SOX5: variants seen among roughly 807,000 people sequenced by gnomAD.
SOX5 encodes SRY-box transcription factor 5, also known as transcription factor SOX-5.
A neutral mutation model predicts 92.0 loss-of-function variants in SOX5; 9 were observed. That is an observed-to-expected ratio of 0.10 (90% CI 0.06 to 0.17). SOX5 has a LOEUF of 0.17. Ranked by LOEUF, SOX5 falls within the 10% of genes least tolerant of loss-of-function variation. SOX5 has a pLI of 1.00. For missense variants in SOX5, 642 were observed against 944.5 expected, an observed-to-expected ratio of 0.68 and a Z score of 4.20; for synonymous variants, 344 against 336.3, an observed-to-expected ratio of 1.02 and a Z score of -0.25.
chr12:23,612,741 T>A lies in SOX5; in HGVS notation c.1018-8208A>T, dbSNP rs147534544. Among the ~76,000 whole-genome samples, 815 of 152,294 alleles carry A rather than the reference T, an allele frequency of 5.4e-3. 10 individuals are homozygous for A. The highest frequency in any genetic ancestry group is 0.018 in the African/African-American group (763 of 41,574). ...AACCTAAAAAGATATGTACTATATA[T>A]ATTTGACGGAAAAGTATTTGTTTAT... On this transcript the variant is annotated intron_variant, in intron 8 of 14. Transcript: ENST00000451604.
chr12:23,903,180 C>T (rs2097254722), intron 1 of SOX5, among the ~76,000 whole-genome samples: 1 of 151,924 alleles, frequency 6.6e-6, no homozygotes, highest in African/African-American at 2.4e-5. Flanking sequence ...AGGTGCATGC[C>T]TTTTTAAAAA....
chr12:24,483,273 T>C (rs1408543971), intron 1 of SOX5, among the ~76,000 whole-genome samples: 2 of 152,202 alleles, frequency 1.3e-5, no homozygotes, highest in Non-Finnish European at 2.9e-5. Context: ...AATAATAATA[T>C]GTAGAATTTT....
At chr12:23,817,387 T>C (rs984106966) in intron 3 of SOX5, among the ~76,000 whole-genome samples, 2 of 152,226 alleles carry the variant, frequency 1.3e-5, no homozygotes, top group African/African-American at 4.8e-5. Flanking sequence ...ATACATTATA[T>C]GTCTAGCCTT....
At chr12:23,607,777 C>A (rs1303553552) in intron 8 of SOX5, among the ~76,000 whole-genome samples, 1 of 152,088 alleles carries the variant, frequency 6.6e-6, no homozygotes, top group Non-Finnish European at 1.5e-5. Context: ...ACTATACAAT[C>A]CACTTATGTT....
chr12:23,696,845 G>A (rs1593378790), intron 6 of SOX5, among the ~76,000 whole-genome samples: 1 of 151,798 alleles, frequency 6.6e-6, no homozygotes, highest in Non-Finnish European at 1.5e-5. Flanking sequence ...CTTCTTCTTT[G>A]ACCCATGAGT....
chr12:23,950,817 C>A, upstream of SOX5: 8 of 1,509,648 alleles, frequency 5.3e-6, no homozygotes, highest in South Asian at 2.4e-5. Context: ...AGGTAATGTA[C>A]CTTTGACACG....
At chr12:23,705,834 G>A (rs903540533) in intron 6 of SOX5, among the ~76,000 whole-genome samples, 2 of 152,200 alleles carry the variant, frequency 1.3e-5, no homozygotes, top group Non-Finnish European at 2.9e-5. Context: ...GAGCCAGAAT[G>A]TGAAGCGGTC....
chr12:23,623,295 GATAATT>G (rs2077396120), intron 8 of SOX5, among the ~76,000 whole-genome samples: 1 of 152,130 alleles, frequency 6.6e-6, no homozygotes, highest in African/African-American at 2.4e-5. Flanking sequence ...AAATGTATTA[GATAATT>G]ATAAACACTG....
intron 8 of SOX5, among the ~76,000 whole-genome samples, chr12:23,615,600 A>G (rs905773367): frequency 6.6e-6 from 1 of 152,064 alleles, no homozygotes; most frequent in South Asian, 2.1e-4. Flanking sequence ...AACATGCAGT[A>G]TTTGGTTTTC....
In SOX5 at chr12:23,533,892, C is replaced by G. The variant is rs1232505246; in HGVS notation, c.*327G>C. 1 of 200,016 alleles carries G rather than the reference C, an allele frequency of 5.0e-6. No individual in the cohort carries two copies. The highest frequency in any genetic ancestry group is 1.0e-5 in the Non-Finnish European group (1 of 98,536). 12.4% of individuals were successfully genotyped at this position (200,016 alleles called of 1,614,324 possible). A position where few individuals can be genotyped will look rare whatever the true frequency, so the allele number is the denominator to read the frequency against. ...AATTTCTAGAACATTGTAGAACAAA[C>G]AGCCATAAAGTTTATTTAAAAAAAA... On this transcript the variant is annotated 3_prime_UTR_variant, in exon 15 of 15. Coordinates refer to ENST00000451604, the MANE Select transcript of SOX5 (RefSeq NM_006940.6).
Position 24,213,455 on chromosome 12 carries a change from A to C in SOX5, c.-76-38T>G, listed in dbSNP as rs1958876716. 2.6e-5 allele frequency: 4 copies of C among 151,146 alleles called. No homozygotes were observed. The South Asian group carries it at 8.3e-4, about 31-fold the overall frequency. 9.4% of individuals were successfully genotyped at this position (151,146 alleles called of 1,614,324 possible). ...AAAAAAAAAAGAAAAAGAAAAAGGA[A>C]GAAAAATTGAAACAAAGAAAGAAAA... is the stretch of plus-strand genomic sequence containing the variant. On this transcript the variant is annotated intron_variant, in intron 3 of 4. Transcript: ENST00000446891.
intron 1 of SOX5, among the ~76,000 whole-genome samples, chr12:24,376,065 G>T (rs192706894): frequency 3.5e-4 from 54 of 152,250 alleles, no homozygotes; most frequent in Non-Finnish European, 5.1e-4. Context: ...AGCCTGAAGC[G>T]TATTTCCTAG....
At chr12:24,176,852 CAG>C (rs1954862790) in intron 4 of SOX5, among the ~76,000 whole-genome samples, 1 of 152,018 alleles carries the variant, frequency 6.6e-6, no homozygotes, top group South Asian at 2.1e-4. Flanking sequence ...TCTGCAGCTT[CAG>C]GTTATAGACA....
chr12:23,887,037 A>C (rs2097075320), intron 2 of SOX5, among the ~76,000 whole-genome samples: 1 of 152,214 alleles, frequency 6.6e-6, no homozygotes, highest in Admixed American at 6.5e-5. Flanking sequence ...ATCTCAGAAT[A>C]AATTGAAGAA....
chr12:23,833,309 A>G (rs1261310648), intron 3 of SOX5, among the ~76,000 whole-genome samples: 1 of 151,662 alleles, frequency 6.6e-6, no homozygotes, highest in Non-Finnish European at 1.5e-5. Flanking sequence ...ATCCAATAAT[A>G]AAATTGCCCC....
intron 2 of SOX5, among the ~76,000 whole-genome samples, chr12:23,867,981 A>G (rs1212165757): frequency 1.3e-5 from 2 of 151,826 alleles, no homozygotes; most frequent in Non-Finnish European, 2.9e-5. Context: ...GAAATGACAA[A>G]AATCATAACT....
intron 3 of SOX5, among the ~76,000 whole-genome samples, chr12:23,803,516 T>A (rs2095702780): frequency 6.6e-6 from 1 of 152,216 alleles, no homozygotes; most frequent in Admixed American, 6.5e-5. Flanking sequence ...TTTTTCCCTA[T>A]TCTGATAGCC....
At chr12:23,841,236 G>A (rs960414080) in intron 3 of SOX5, among the ~76,000 whole-genome samples, 1 of 151,934 alleles carries the variant, frequency 6.6e-6, no homozygotes, top group Non-Finnish European at 1.5e-5. Flanking sequence ...TAAAATTAGA[G>A]GACTACAAAT....
intron 7 of SOX5, among the ~76,000 whole-genome samples, chr12:23,653,379 G>C (rs1040095568): frequency 6.6e-6 from 1 of 151,710 alleles, no homozygotes; most frequent in African/African-American, 2.4e-5. Context: ...CCTTTAGGTT[G>C]ACTTGAGACC....
Sources: allele counts gnomAD v4.1 joint callset (sites outside exome capture counted in the v4.1 genomes callset), GRCh38; gene constraint gnomAD v4.1.1; transcripts MANE v1.5; gene names NCBI Gene and HGNC (gene_info 2026-07-23, HGNC 2026-07-21).